WWOX: variants seen among roughly 807,000 people sequenced by gnomAD.
The protein encoded by WWOX is WW domain containing oxidoreductase, also known as WW domain-containing oxidoreductase.
Under a neutral mutation model 46.2 loss-of-function variants are expected in WWOX, and 69 were observed. That is an observed-to-expected ratio of 1.49 (90% CI 1.23 to 1.82). WWOX has a LOEUF of 1.82. Among genes scored for constraint, WWOX ranks in the 40% most tolerant of loss-of-function variants. WWOX has a pLI of 0.00. For missense variants in WWOX, 919 were observed against 542.6 expected (o/e 1.69, Z -6.89); for synonymous variants, 359 against 202.6 (o/e 1.77, Z -6.56).
chr16:78,161,600 C>T (rs2034795221), intron 4 of WWOX, among the ~76,000 whole-genome samples: 1 of 152,116 alleles, frequency 6.6e-6, no homozygotes, highest in African/African-American at 2.4e-5. Context: ...GTACCTGCCA[C>T]CACACCTGGC....
At chr16:79,015,356 C>T (rs886773219) in intron 8 of WWOX, among the ~76,000 whole-genome samples, 4 of 152,184 alleles carry the variant, frequency 2.6e-5, no homozygotes, top group African/African-American at 7.2e-5. Context: ...TGTGACCTTC[C>T]ACATGCTTTT....
intron 8 of WWOX, among the ~76,000 whole-genome samples, chr16:78,481,645 A>AAAAAAAT (rs79950393): frequency 6.7e-6 from 1 of 148,746 alleles, no homozygotes; most frequent in African/African-American, 2.5e-5. Context: ...GAAAAAAAAA[A>AAAAAAAT]AGAATGTTTT....
chr16:78,571,650 C>G (rs948551714), intron 8 of WWOX, among the ~76,000 whole-genome samples: 1 of 152,160 alleles, frequency 6.6e-6, no homozygotes, highest in African/African-American at 2.4e-5. Flanking sequence ...AGGTGGATTA[C>G]TTGAGGTCAG....
chr16:78,387,353 G>A (rs2082080849), intron 6 of WWOX, among the ~76,000 whole-genome samples: 1 of 152,160 alleles, frequency 6.6e-6, no homozygotes. Flanking sequence ...GACAATCCAA[G>A]CACCCAAAAG....
At chr16:78,362,357 C>T (rs539451117) in intron 5 of WWOX, among the ~76,000 whole-genome samples, 7 of 152,280 alleles carry the variant, frequency 4.6e-5, no homozygotes, top group African/African-American at 1.7e-4. Flanking sequence ...AGCCTGTAAT[C>T]CCAGCACTTT....
intron 8 of WWOX, among the ~76,000 whole-genome samples, chr16:78,942,840 C>A (rs1045213296): frequency 6.6e-6 from 1 of 152,142 alleles, no homozygotes; most frequent in African/African-American, 2.4e-5. Context: ...ATTCCAAATC[C>A]CGTGGCTCAG....
At chr16:78,903,560 C>T (rs550143583) in intron 8 of WWOX, among the ~76,000 whole-genome samples, 1 of 152,294 alleles carries the variant, frequency 6.6e-6, no homozygotes, top group African/African-American at 2.4e-5. Flanking sequence ...AAAAGAGTAG[C>T]CCCTCCTCCT....
At chr16:79,103,400 C>T (rs1352268176) in intron 8 of WWOX, among the ~76,000 whole-genome samples, 1 of 152,156 alleles carries the variant, frequency 6.6e-6, no homozygotes, top group African/African-American at 2.4e-5. Flanking sequence ...ACAAAGCAAA[C>T]GCATTAGTGG....
chr16:78,602,579 G>C (rs2045647191), intron 8 of WWOX, among the ~76,000 whole-genome samples: 1 of 152,142 alleles, frequency 6.6e-6, no homozygotes, highest in African/African-American at 2.4e-5. Flanking sequence ...TGTTGTGCTG[G>C]TAGCATCATC....
At chr16:78,546,581 C>T (rs959697631) in intron 8 of WWOX, among the ~76,000 whole-genome samples, 1 of 152,186 alleles carries the variant, frequency 6.6e-6, no homozygotes, top group African/African-American at 2.4e-5. Context: ...CTCAAAACTT[C>T]TGGATACCTG....
At chr16:78,941,228 C>T (rs1021219252) in intron 8 of WWOX, among the ~76,000 whole-genome samples, 4 of 152,150 alleles carry the variant, frequency 2.6e-5, no homozygotes, top group Admixed American at 6.5e-5. Context: ...AGAGCGTGTT[C>T]AGGCAAAACA....
intron 5 of WWOX, among the ~76,000 whole-genome samples, chr16:78,263,621 G>A (rs968574456): frequency 6.6e-6 from 1 of 151,122 alleles, no homozygotes; most frequent in African/African-American, 2.4e-5. Context: ...TGTCAACAGA[G>A]AGAAAGAGAG....
chr16:79,093,249 G>T (rs1466940918), intron 8 of WWOX, among the ~76,000 whole-genome samples: 1 of 152,166 alleles, frequency 6.6e-6, no homozygotes, highest in Non-Finnish European at 1.5e-5. Context: ...GAGAGAGGCA[G>T]ATTTTGGAGG....
intron 1 of WWOX, 49 bp from the exon 2 acceptor site, chr16:78,108,374 A>G (rs779365500): frequency 1.9e-6 from 3 of 1,575,246 alleles, no homozygotes; most frequent in Non-Finnish European, 8.7e-7. Context: ...ATTACTTTTT[A>G]GAAGAGTTAA....
At chr16:78,217,558 C>G (rs1272465162) in intron 5 of WWOX, among the ~76,000 whole-genome samples, 1 of 152,140 alleles carries the variant, frequency 6.6e-6, no homozygotes, top group African/African-American at 2.4e-5. Context: ...AGCTGAACCA[C>G]TCTCTTCTCC....
intron 5 of WWOX, among the ~76,000 whole-genome samples, chr16:78,245,106 G>C (rs114158627): frequency 0.039 from 5,902 of 152,228 alleles, 165 homozygotes; most frequent in African/African-American, 0.08. Flanking sequence ...AAATATTCCA[G>C]AGATATGTAT....
rs1461645631 is a variant in WWOX at position 78,432,504 on chromosome 16, G to C, written c.808G>C (p.Asp270His). ...SESHRFTDINDSLGKLDFSRL... is the reference protein window; with the variant it reads ...SESHRFTDINHSLGKLDFSRL... ...ATTTTTAAGATTTACAGATATTAACGACTCCTTGGGAAAACTGGACTTCAG... is the reference window on the plus strand; with the variant it reads ...ATTTTTAAGATTTACAGATATTAACCACTCCTTGGGAAAACTGGACTTCAG... The change falls in exon 8 of 9, where the codon GAC (aspartate) becomes CAC (histidine). Residue 270 changes from aspartate (D) to histidine (H), a missense_variant. Asp to His is a moderately conservative substitution (Grantham distance 81). Transcript: ENST00000566780. 1 of 1,614,076 alleles carries C rather than the reference G, an allele frequency of 6.2e-7. No homozygotes were observed.
intron 8 of WWOX, among the ~76,000 whole-genome samples, chr16:78,935,564 C>G (rs1026909882): frequency 1.4e-5 from 2 of 147,088 alleles, no homozygotes; most frequent in African/African-American, 5.1e-5. Context: ...AATGAGAACA[C>G]TTGGACACAG....
Position 79,079,980 on chromosome 16 carries a change from C to T in WWOX, c.1057-131628C>T, listed in dbSNP as rs555228445. Among the ~76,000 whole-genome samples the T allele has an allele frequency of 9.2e-5, 14 of 152,168 alleles. No homozygotes were observed. The South Asian group carries it at 2.3e-3, about 25-fold the overall frequency. On this transcript the variant is annotated intron_variant, in intron 8 of 8. Transcript: ENST00000566780. Reference sequence around the variant, plus strand: ...AAGATTTCAGATTTTATTTATTCTACGGGTATTTGTTGAATATTTATTTCT... The same window carrying T: ...AAGATTTCAGATTTTATTTATTCTATGGGTATTTGTTGAATATTTATTTCT...
Sources: allele counts gnomAD v4.1 joint callset (sites outside exome capture counted in the v4.1 genomes callset), GRCh38; gene constraint gnomAD v4.1.1; transcripts MANE v1.5; gene names NCBI Gene and HGNC (gene_info 2026-07-23, HGNC 2026-07-21).